The following LNX1 variants were observed in gnomAD, a reference collection of about 807,000 sequenced individuals.
LNX1 encodes ligand of numb-protein X 1.
Under a neutral mutation model 68.4 loss-of-function variants are expected in LNX1, and 54 were observed. The ratio of observed to expected loss-of-function variants is 0.79; its 90% CI spans 0.63 to 0.99. The LOEUF (loss-of-function observed/expected upper bound fraction) is 0.99. LNX1 is among the 50% of genes least tolerant of loss of function. The pLI is 0.00. For missense variants in LNX1, 906 were observed against 926.4 expected, an observed-to-expected ratio of 0.98 and a Z score of 0.29; for synonymous variants, 336 against 350.0, an observed-to-expected ratio of 0.96 and a Z score of 0.45.
At chr4:53,533,226 G>A (rs1159897090) in intron 2 of LNX1, among the ~76,000 whole-genome samples, 1 of 152,176 alleles carries the variant, frequency 6.6e-6, no homozygotes, top group East Asian at 1.9e-4. Context: ...TGAGGCACAC[G>A]GAGACTTGCA....
At chr4:53,619,313 A>C (rs1733785176), upstream of LNX1, among the ~76,000 whole-genome samples, 2 of 152,138 alleles carry the variant, frequency 1.3e-5, no homozygotes, top group Admixed American at 1.3e-4. Flanking sequence ...TTATCCCCCA[A>C]AGAAATCCCA....
At chr4:53,485,054 A>G (rs1402339276) in intron 6 of LNX1, among the ~76,000 whole-genome samples, 2 of 152,260 alleles carry the variant, frequency 1.3e-5, no homozygotes, top group Admixed American at 1.3e-4. Flanking sequence ...GAAAGCTGAC[A>G]TGAAGAACGA....
chr4:53,594,698 T>TTTAC (rs1190859029), upstream of LNX1, among the ~76,000 whole-genome samples: 1 of 152,020 alleles, frequency 6.6e-6, no homozygotes, highest in Non-Finnish European at 1.5e-5. Flanking sequence ...TCTTACTTTC[T>TTTAC]TTTCTTTCTT....
intron 2 of LNX1, among the ~76,000 whole-genome samples, chr4:53,527,071 A>G (rs1324748778): frequency 2.6e-5 from 4 of 151,072 alleles, no homozygotes; most frequent in Non-Finnish European, 1.5e-5. Context: ...AAAAAAAAAA[A>G]ACTAGAAGAA....
intron 6 of LNX1, among the ~76,000 whole-genome samples, chr4:53,487,186 A>G (rs1560622319): frequency 6.6e-6 from 1 of 152,118 alleles, no homozygotes; most frequent in Non-Finnish European, 1.5e-5. Flanking sequence ...CATTTTGCAG[A>G]GCTGTACACT....
chr4:53,534,036 A>T (rs1308837907), intron 2 of LNX1, among the ~76,000 whole-genome samples: 2 of 152,228 alleles, frequency 1.3e-5, no homozygotes, highest in African/African-American at 2.4e-5. Context: ...ATGAGCACTG[A>T]CAGTCACAGC....
At chr4:53,594,624 A>G (rs1389988341), upstream of LNX1, among the ~76,000 whole-genome samples, 2 of 152,098 alleles carry the variant, frequency 1.3e-5, no homozygotes, top group Non-Finnish European at 2.9e-5. Flanking sequence ...AATCTTGAAG[A>G]TATTACTCCA....
intron 9 of LNX1, among the ~76,000 whole-genome samples, chr4:53,471,674 A>C (rs1326009055): frequency 6.6e-6 from 1 of 152,252 alleles, no homozygotes; most frequent in African/African-American, 2.4e-5. Context: ...AAAGTGGGGA[A>C]AGGATATGAA....
At chr4:53,567,447 T>C (rs1360980269) in intron 2 of LNX1, among the ~76,000 whole-genome samples, 1 of 152,010 alleles carries the variant, frequency 6.6e-6, no homozygotes, top group South Asian at 2.1e-4. Flanking sequence ...TTGAAACCAA[T>C]GAGAACAAAG....
chr4:53,560,890 T>C (rs894036742), intron 2 of LNX1, among the ~76,000 whole-genome samples: 38 of 152,228 alleles, frequency 2.5e-4, no homozygotes, highest in African/African-American at 9.2e-4. Flanking sequence ...ATACAATCCC[T>C]TGGGGCTAAA....
chr4:53,497,691 T>C lies in LNX1; in HGVS notation c.978+950A>G, dbSNP rs1579413217. Among the ~76,000 whole-genome samples the C allele has an allele frequency of 3.3e-5, 5 of 152,210 alleles. No individual in the cohort carries two copies. In the East Asian group the frequency reaches 5.8e-4, roughly 18 times the overall value. On this transcript the variant is annotated intron_variant, in intron 5 of 10. Transcript: ENST00000263925. ...CCCTGCCAGGCAGCATAGTTTCCAC[T>C]AGAACTGGGAGGCAGCAGTGCACAG...
At position 53,501,083 on chromosome 4, in the gene LNX1, T is replaced by A. The variant is rs936135362; in HGVS notation, c.776-2240A>T. Among the ~76,000 whole-genome samples the A allele has an allele frequency of 3.9e-5, 6 of 152,226 alleles. No homozygotes were observed. In the East Asian group the frequency reaches 1.2e-3, roughly 29 times the overall value. On this transcript the variant is annotated intron_variant, in intron 4 of 10. Coordinates refer to ENST00000263925, the MANE Select transcript of LNX1 (RefSeq NM_001126328.3). ...TGAGATCCTAGTGACCTTAAAGAGA[T>A]AAAGGAATTTTTAAACTGCCAAACT...
chr4:53,564,241 G>A (rs1043334261), intron 2 of LNX1, among the ~76,000 whole-genome samples: 1 of 152,226 alleles, frequency 6.6e-6, no homozygotes, highest in Admixed American at 6.5e-5. Context: ...AAGGGTGAAT[G>A]AAATTCCCAG....
upstream of LNX1, among the ~76,000 whole-genome samples, chr4:53,594,865 C>A (rs540701576): frequency 4.6e-5 from 7 of 152,046 alleles, no homozygotes; most frequent in African/African-American, 1.7e-4. Flanking sequence ...GCACGTGCCA[C>A]CATGCCCTGC....
upstream of LNX1, among the ~76,000 whole-genome samples, chr4:53,621,522 G>A (rs920048363): frequency 1.3e-5 from 2 of 152,190 alleles, no homozygotes; most frequent in Non-Finnish European, 2.9e-5. Context: ...TGAATGAGAT[G>A]TGCCAAATAC....
intron 1 of LNX1, chr4:53,576,190 GATGT>G: frequency 1.9e-6 from 3 of 1,583,754 alleles, no homozygotes; most frequent in Non-Finnish European, 2.6e-6. Flanking sequence ...GTGGTGGGTG[GATGT>G]GACAATCTCC....
chr4:53,531,813 T>A (rs1728042044), intron 2 of LNX1, among the ~76,000 whole-genome samples: 1 of 152,198 alleles, frequency 6.6e-6, no homozygotes, highest in Non-Finnish European at 1.5e-5. Context: ...CTAAGAGAGA[T>A]CTTAGGACAA....
At chr4:53,542,524 G>A (rs1728833684) in intron 2 of LNX1, among the ~76,000 whole-genome samples, 1 of 152,130 alleles carries the variant, frequency 6.6e-6, no homozygotes, top group South Asian at 2.1e-4. Context: ...TCAATACTCT[G>A]ACTGATGACC....
rs373521781 is a variant in LNX1 at position 53,543,152 on chromosome 4, C to T, written c.380+30471G>A. On this transcript the variant is annotated intron_variant, in intron 2 of 10. Transcript: ENST00000263925. ...TTATAATTACAGAAACGAGCCACCA[C>T]GTCTGTCCTGTGTGCTACTGTTATC... Among the ~76,000 whole-genome samples the T allele has an allele frequency of 2.0e-5, 3 of 152,336 alleles. No individual in the cohort carries two copies. In the East Asian group the frequency reaches 5.8e-4, roughly 29 times the overall value.
Sources: allele counts gnomAD v4.1 joint callset (sites outside exome capture counted in the v4.1 genomes callset), GRCh38; gene constraint gnomAD v4.1.1; transcripts MANE v1.5; gene names NCBI Gene and HGNC (gene_info 2026-07-23, HGNC 2026-07-21).